The following HERC1 variants were observed in gnomAD, a reference collection of about 807,000 sequenced individuals.
HERC1 encodes the protein HECT and RLD domain containing E3 ubiquitin protein ligase family member 1.
A neutral mutation model predicts 554.3 loss-of-function variants in HERC1; 160 were observed. The observed-to-expected ratio is 0.29, with a 90% CI of 0.25 to 0.33. The LOEUF is 0.33. Among genes scored for constraint, HERC1 ranks in the 10% least tolerant of loss-of-function variants. HERC1 has a pLI of 1.00. For missense variants in HERC1, 4,919 were observed against 5,918.5 expected (o/e 0.83, Z 5.54); for synonymous variants, 2,175 against 2,131.7 (o/e 1.02, Z -0.56).
chr15:63,761,948 T>A (rs2075624754), intron 3 of HERC1, among the ~76,000 whole-genome samples: 1 of 152,212 alleles, frequency 6.6e-6, no homozygotes, highest in Non-Finnish European at 1.5e-5. Flanking sequence ...AACACATGTA[T>A]ACACATCCTA....
chr15:63,808,442 C>T (rs2077198477), intron 1 of HERC1, among the ~76,000 whole-genome samples: 1 of 152,084 alleles, frequency 6.6e-6, no homozygotes, highest in South Asian at 2.1e-4. Flanking sequence ...CACATGCTAC[C>T]ACTCAGCTAA....
intron 1 of HERC1, among the ~76,000 whole-genome samples, chr15:63,826,028 G>A (rs1367630432): frequency 6.6e-6 from 1 of 152,064 alleles, no homozygotes; most frequent in African/African-American, 2.4e-5. Flanking sequence ...CTCCCAAAGT[G>A]CTGGAACTAA....
chr15:63,663,634 T>C (rs2070467962), intron 43 of HERC1, among the ~76,000 whole-genome samples: 1 of 152,188 alleles, frequency 6.6e-6, no homozygotes, highest in African/African-American at 2.4e-5. Context: ...GTTTTTTAAT[T>C]TTTTTGTAAA....
At chr15:63,700,173 A>G (rs368027433) in intron 25 of HERC1, among the ~76,000 whole-genome samples, 12 of 152,270 alleles carry the variant, frequency 7.9e-5, no homozygotes, top group East Asian at 3.9e-4. Context: ...ACTTTTAAAA[A>G]AGAGTATCAT....
At chr15:63,751,978 A>C (rs1365288432) in intron 8 of HERC1, among the ~76,000 whole-genome samples, 2 of 152,174 alleles carry the variant, frequency 1.3e-5, no homozygotes, top group African/African-American at 2.4e-5. Flanking sequence ...ATAAAAAAAG[A>C]AGCACATGAT....
At chr15:63,763,027 T>C (rs1465600075) in intron 3 of HERC1, among the ~76,000 whole-genome samples, 1 of 152,224 alleles carries the variant, frequency 6.6e-6, no homozygotes, top group Non-Finnish European at 1.5e-5. Flanking sequence ...TCTCACCACC[T>C]ATTTCTTTGT....
At chr15:63,672,823 T>C (rs934076120) in intron 38 of HERC1, 129 bp from the exon 39 acceptor site, 3 of 656,230 alleles carry the variant, frequency 4.6e-6, no homozygotes, top group African/African-American at 1.8e-5. Context: ...TCAATTTCTA[T>C]GAAAGATTGA....
intron 17 of HERC1, among the ~76,000 whole-genome samples, chr15:63,726,906 T>A (rs2074065324): frequency 6.6e-6 from 1 of 151,968 alleles, no homozygotes; most frequent in South Asian, 2.1e-4. Context: ...ATATCAGTTA[T>A]AAACATAGAT....
chr15:63,698,642 G>A, intron 26 of HERC1, 86 bp downstream of exon 26: 1 of 1,341,842 alleles, frequency 7.5e-7, no homozygotes, highest in East Asian at 2.5e-5. Flanking sequence ...TAGAAGAAAA[G>A]GAAAGGTTTT....
At chr15:63,706,994 G>A (rs541437008) in intron 24 of HERC1, among the ~76,000 whole-genome samples, 163 bp from the exon 25 acceptor site, 2 of 152,072 alleles carry the variant, frequency 1.3e-5, no homozygotes, top group South Asian at 4.1e-4. Context: ...AAAACCCACT[G>A]AACATAGCTA....
At chr15:63,613,335 G>A (rs574595227) in intron 76 of HERC1, among the ~76,000 whole-genome samples, 1 of 152,220 alleles carries the variant, frequency 6.6e-6, no homozygotes, top group East Asian at 1.9e-4. Context: ...AAGTTGGGGA[G>A]TGCCAAGTAG....
chr15:63,703,734 T>A (rs1486851876), intron 25 of HERC1, among the ~76,000 whole-genome samples: 1 of 151,568 alleles, frequency 6.6e-6, no homozygotes, highest in Non-Finnish European at 1.5e-5. Flanking sequence ...AATAAAAAAA[T>A]ATATAAAATA....
At chr15:63,618,005 T>C (rs924065600) in intron 74 of HERC1, among the ~76,000 whole-genome samples, 5 of 152,142 alleles carry the variant, frequency 3.3e-5, no homozygotes, top group African/African-American at 1.2e-4. Context: ...AGCTCTTTAG[T>C]TTAATTAGAT....
intron 1 of HERC1, among the ~76,000 whole-genome samples, chr15:63,802,601 T>TC (rs58170614): frequency 0.043 from 6,528 of 152,248 alleles, 268 homozygotes; most frequent in African/African-American, 0.11. Flanking sequence ...AGCCAATTGT[T>TC]TTTTTTCCAC....
At chr15:63,743,556 C>A (rs1167657636) in intron 12 of HERC1, among the ~76,000 whole-genome samples, 1 of 151,708 alleles carries the variant, frequency 6.6e-6, no homozygotes, top group Non-Finnish European at 1.5e-5. Flanking sequence ...AGCCACCATG[C>A]CCAGCTCACT....
Position 63,718,056 on chromosome 15 carries a change from T to C in HERC1, c.3978+518A>G, listed in dbSNP as rs1040411862. Among the ~76,000 whole-genome samples, 1 of 150,676 alleles carries C rather than the reference T, an allele frequency of 6.6e-6. No homozygotes were observed. Among genetic ancestry groups the C allele is most frequent in the African/African-American group, 2.4e-5 (1 of 40,940 alleles). ...TTTCCTCTCTTACAGAGAAGCTCTT[T>C]AAGTATTTTTAAGGCAGCTATTATG... On this transcript the variant is annotated intron_variant, in intron 21 of 77. Transcript: ENST00000443617. The surrounding 1 kb of genome is among the most constrained non-coding windows in gnomAD (Gnocchi z 4.2).
intron 38 of HERC1, among the ~76,000 whole-genome samples, chr15:63,673,731 G>C (rs2152975796): frequency 6.6e-6 from 1 of 152,262 alleles, no homozygotes; most frequent in East Asian, 1.9e-4. Context: ...TATGTATTTT[G>C]GTTTGTTTTT....
At chr15:63,669,812 G>C (rs1461924270) in intron 39 of HERC1, 114 bp from the exon 40 acceptor site, 16 of 853,792 alleles carry the variant, frequency 1.9e-5, no homozygotes, top group Non-Finnish European at 2.4e-5. Flanking sequence ...GTTAGTTATA[G>C]TTTAATGGAG....
At chr15:63,757,858 C>A (rs930039997) in intron 4 of HERC1, among the ~76,000 whole-genome samples, 1 of 151,900 alleles carries the variant, frequency 6.6e-6, no homozygotes, top group African/African-American at 2.4e-5. Context: ...TACAGGCATG[C>A]GCCACCATGC....
Sources: gnomAD v4.1 joint callset for allele counts (sites outside exome capture counted in the v4.1 genomes callset) on GRCh38, gnomAD v4.1.1 for gene constraint, Gnocchi (gnomAD v3.1) non-coding constraint, MANE v1.5 for transcripts, NCBI Gene and HGNC (gene_info 2026-07-23, HGNC 2026-07-21) for gene names.